Variants in RBM47 observed in about 807,000 individuals in gnomAD.
RBM47 encodes RNA-binding protein 47.
RBM47 carries 21 observed loss-of-function variants against 47.1 expected under a neutral mutation model. That is an observed-to-expected ratio of 0.45 (90% confidence interval 0.32 to 0.64). RBM47 has a LOEUF of 0.64. Ranked by LOEUF, RBM47 falls within the 30% of genes least tolerant of loss-of-function variation. The pLI is 0.05. For synonymous variants in RBM47, 375 were observed against 361.7 expected (o/e 1.04, Z -0.42); for missense variants, 708 against 870.9 (o/e 0.81, Z 2.35).
At position 40,507,741 on chromosome 4, in the gene RBM47, G is replaced by A. The variant is rs563912284; in HGVS notation, c.-155+36681C>T. Among the ~76,000 whole-genome samples the A allele has an allele frequency of 1.3e-3, 195 of 149,970 alleles. 1 individual carries two copies. Among genetic ancestry groups the A allele is most frequent in the African/African-American group, 4.6e-3 (186 of 40,744 alleles). The stretch of plus-strand genomic sequence containing the variant: ...GCGGAGGTTGCAGTGACCCGAGATC[G>A]CGCCACTTCATTCCAGCCTGGGCGA... On this transcript the variant is annotated intron_variant, in intron 2 of 6. Transcript: ENST00000295971.
rs779245534 is a variant in RBM47, at chr4:40,432,652, T to C, written c.1541A>G (p.Gln514Arg). The C allele has an allele frequency of 3.3e-5, 53 of 1,609,956 alleles. No individual in the cohort carries two copies. Among genetic ancestry groups the C allele is most frequent in the Non-Finnish European group, 4.4e-5 (52 of 1,179,314 alleles). Residue 514 changes from glutamine (Q) to arginine (R), a missense_variant and splice_region_variant, in exon 6 of 7, where the codon CAG becomes CGG. Coordinates refer to ENST00000295971, the MANE Select transcript of RBM47 (RefSeq NM_001098634.2). Reference protein sequence around the residue: ...IPTVSTPPPFQGRPITPVYTV... With the variant: ...IPTVSTPPPFRGRPITPVYTV... Reference sequence around the variant, plus strand: ...CAATGCCTGCAATAAGAACTCTACCTGGAAAGGTGGTGGCGTCGACACAGT... The same window carrying C: ...CAATGCCTGCAATAAGAACTCTACCCGGAAAGGTGGTGGCGTCGACACAGT...
intron 1 of RBM47, among the ~76,000 whole-genome samples, chr4:40,569,624 C>T (rs11936590): frequency 0.03 from 4,591 of 151,556 alleles, 239 homozygotes; most frequent in African/African-American, 0.1. Flanking sequence ...TTAGCCAGGA[C>T]GGTCTCTATC....
intron 2 of RBM47, among the ~76,000 whole-genome samples, chr4:40,481,851 CT>C (rs1169438975): frequency 6.6e-6 from 1 of 152,156 alleles, no homozygotes; most frequent in Non-Finnish European, 1.5e-5. Context: ...CGCATCCAGC[CT>C]TTTTGTATTT....
chr4:40,526,925 G>A (rs1287253242), intron 2 of RBM47, among the ~76,000 whole-genome samples: 2 of 150,366 alleles, frequency 1.3e-5, no homozygotes, highest in Admixed American at 1.4e-4. Flanking sequence ...AGGGCTGGCA[G>A]CATTGACTGG....
chr4:40,456,689 T>C (rs1716321927), intron 3 of RBM47, among the ~76,000 whole-genome samples: 1 of 148,896 alleles, frequency 6.7e-6, no homozygotes, highest in Admixed American at 6.7e-5. Context: ...CCTCGACCTC[T>C]CAGGCTCAAG....
At chr4:40,554,307 C>T (rs1179444965) in intron 1 of RBM47, among the ~76,000 whole-genome samples, 1 of 148,320 alleles carries the variant, frequency 6.7e-6, no homozygotes, top group African/African-American at 2.5e-5. Context: ...ATACCAGGCA[C>T]AACAGTAACA....
chr4:40,456,277 A>G (rs759418756), intron 3 of RBM47, among the ~76,000 whole-genome samples: 1 of 152,220 alleles, frequency 6.6e-6, no homozygotes, highest in African/African-American at 2.4e-5. Context: ...TTAAGAGAGA[A>G]ACCCGGGCAT....
chr4:40,596,390 T>C (rs1734758459), intron 1 of RBM47, among the ~76,000 whole-genome samples: 1 of 152,138 alleles, frequency 6.6e-6, no homozygotes, highest in South Asian at 2.1e-4. Flanking sequence ...TGCAGGCACA[T>C]GTACCTATAT....
chr4:40,464,748 G>A (rs577784607), intron 3 of RBM47, among the ~76,000 whole-genome samples: 62 of 151,708 alleles, frequency 4.1e-4, no homozygotes, highest in Admixed American at 1.7e-3. Context: ...AAAATTAGCC[G>A]GGTACAGTGG....
At chr4:40,522,663 T>C (rs1216303677) in intron 2 of RBM47, among the ~76,000 whole-genome samples, 6 of 152,186 alleles carry the variant, frequency 3.9e-5, no homozygotes, top group Admixed American at 3.3e-4. Context: ...CCCTATAGAA[T>C]TTCAGTGAAA....
At chr4:40,532,169 C>T (rs1727456415) in intron 2 of RBM47, among the ~76,000 whole-genome samples, 1 of 151,728 alleles carries the variant, frequency 6.6e-6, no homozygotes, top group Admixed American at 6.6e-5. Flanking sequence ...AGCCACCATG[C>T]CCGGCTAATT....
chr4:40,580,109 A>G (rs908109424), intron 1 of RBM47, among the ~76,000 whole-genome samples: 1 of 152,084 alleles, frequency 6.6e-6, no homozygotes, highest in Non-Finnish European at 1.5e-5. Context: ...AACATGCCAA[A>G]TATCCTGGAC....
Position 40,473,140 on chromosome 4 carries a change from C to T in RBM47, c.-154-6441G>A, listed in dbSNP as rs79925566. Among the ~76,000 whole-genome samples, 1,123 of 152,302 alleles carry T rather than the reference C, an allele frequency of 7.4e-3. 12 individuals are homozygous for T. Among genetic ancestry groups the T allele is most frequent in the African/African-American group, 0.026 (1,078 of 41,554 alleles). The stretch of plus-strand genomic sequence containing the variant: ...TATTAATAATAGTAATGACCATCAA[C>T]ATTCATTGAATGTTTATCATGCACC... On this transcript the variant is annotated intron_variant, in intron 2 of 6. Transcript: ENST00000295971.
intron 2 of RBM47, among the ~76,000 whole-genome samples, chr4:40,492,801 G>GCA (rs1560416251): frequency 2.0e-5 from 3 of 150,366 alleles, no homozygotes; most frequent in Non-Finnish European, 4.4e-5. Flanking sequence ...GTGTGTACGC[G>GCA]CACACACGAG....
At chr4:40,573,497 C>CT (rs1166566106) in intron 1 of RBM47, among the ~76,000 whole-genome samples, 2 of 151,946 alleles carry the variant, frequency 1.3e-5, no homozygotes, top group Non-Finnish European at 2.9e-5. Flanking sequence ...AATCCCAGCA[C>CT]TTTGAGAGGC....
intron 1 of RBM47, among the ~76,000 whole-genome samples, chr4:40,586,858 C>T (rs1733636892): frequency 6.6e-6 from 1 of 151,956 alleles, no homozygotes; most frequent in Admixed American, 6.6e-5. Context: ...GACAGTGGCA[C>T]GGTATGAAGG....
chr4:40,571,180 C>G (rs1173418147), intron 1 of RBM47, among the ~76,000 whole-genome samples: 1 of 152,062 alleles, frequency 6.6e-6, no homozygotes, highest in Admixed American at 6.6e-5. Context: ...TGCATCACTG[C>G]ACTCCAGCCT....
At chr4:40,449,244 G>A (rs1715030594) in intron 3 of RBM47, among the ~76,000 whole-genome samples, 1 of 152,178 alleles carries the variant, frequency 6.6e-6, no homozygotes, top group Non-Finnish European at 1.5e-5. Flanking sequence ...TCTTGCTACT[G>A]AAAAGCATGG....
intron 1 of RBM47, among the ~76,000 whole-genome samples, chr4:40,598,390 G>C (rs935530707): frequency 3.9e-5 from 6 of 152,064 alleles, no homozygotes; most frequent in African/African-American, 1.2e-4. Context: ...GGGACCACAG[G>C]TGCACACCAC....
Sources: gnomAD v4.1 joint callset for allele counts (sites outside exome capture counted in the v4.1 genomes callset) on GRCh38, gnomAD v4.1.1 for gene constraint, MANE v1.5 for transcripts, NCBI Gene and HGNC (gene_info 2026-07-23, HGNC 2026-07-21) for gene names.